Variants in CACNA1D observed in about 807,000 individuals in gnomAD.
CACNA1D encodes the protein calcium voltage-gated channel subunit alpha1 D, also known as voltage-dependent L-type calcium channel subunit alpha-1D.
A neutral mutation model predicts 257.1 loss-of-function variants in CACNA1D; 55 were observed. The ratio of observed to expected loss-of-function variants is 0.21; its 90% CI spans 0.17 to 0.27. The LOEUF (loss-of-function observed/expected upper bound fraction) is 0.27. CACNA1D is among the 10% of genes least tolerant of loss of function. The probability of loss-of-function intolerance (pLI) is 1.00; values close to 1 mark genes in which losing one functional copy is unlikely to be tolerated. For synonymous variants in CACNA1D, 980 were observed against 1,014.9 expected (o/e 0.97, Z 0.65); for missense variants, 1,876 against 2,784.0 (o/e 0.67, Z 7.34).
intron 3 of CACNA1D, among the ~76,000 whole-genome samples, chr3:53,647,588 T>A (rs1166947253): frequency 6.6e-6 from 1 of 152,248 alleles, no homozygotes; most frequent in East Asian, 1.9e-4. Context: ...CCTGACTTTC[T>A]TGTTGGCTTC....
chr3:53,640,799 A>T (rs762894673), intron 3 of CACNA1D, among the ~76,000 whole-genome samples: 10 of 152,220 alleles, frequency 6.6e-5, no homozygotes, highest in Non-Finnish European at 1.3e-4. Flanking sequence ...ATGGCAAAAC[A>T]TGTGACACTG....
intron 3 of CACNA1D, among the ~76,000 whole-genome samples, chr3:53,543,192 AAAAC>A (rs928836901): frequency 2.0e-5 from 3 of 152,142 alleles, no homozygotes; most frequent in African/African-American, 7.2e-5. Context: ...GACAAAAACC[AAAAC>A]AAACCCAAAG....
chr3:53,497,064 T>C lies in CACNA1D; in HGVS notation c.68-88T>C, dbSNP rs1440201506. On this transcript the variant is annotated intron_variant, in intron 1 of 47. Transcript: ENST00000350061. ...ATAGGAGTGAATGATTCCCCTGTTA[T>C]TGATGGGAGACAACCTTTGATTTTT... 3 of 975,698 alleles carry C rather than the reference T, an allele frequency of 3.1e-6. 1 individual carries two copies. The highest frequency in any genetic ancestry group is 3.3e-5 in the African/African-American group (2 of 61,274). The allele number at this position is 975,698 out of a possible 1,614,324, so 60.4% of individuals were successfully genotyped here. A position where few individuals can be genotyped will look rare whatever the true frequency, so the allele number is the denominator to read the frequency against.
At chr3:53,566,072 A>G (rs1401994366) in intron 3 of CACNA1D, among the ~76,000 whole-genome samples, 1 of 152,222 alleles carries the variant, frequency 6.6e-6, no homozygotes, top group African/African-American at 2.4e-5. Context: ...TGGGTGGCCA[A>G]AGTGAAGAAT....
intron 26 of CACNA1D, chr3:53,748,971 A>T (rs1252273994): frequency 2.0e-6 from 1 of 503,752 alleles, no homozygotes; most frequent in Non-Finnish European, 3.7e-6. Flanking sequence ...CTTACACGTG[A>T]TATTCTTCCT....
At chr3:53,617,807 T>A (rs1329887468) in intron 3 of CACNA1D, among the ~76,000 whole-genome samples, 1 of 152,148 alleles carries the variant, frequency 6.6e-6, no homozygotes, top group Admixed American at 6.5e-5. Flanking sequence ...GATATTTACA[T>A]GTGAGCCTCA....
intron 3 of CACNA1D, among the ~76,000 whole-genome samples, chr3:53,589,467 T>A (rs2093271040): frequency 6.6e-6 from 1 of 152,012 alleles, no homozygotes; most frequent in Non-Finnish European, 1.5e-5. Flanking sequence ...CAGGACTGAG[T>A]GTATGAATCA....
chr3:53,778,866 A>G (rs957791349), intron 37 of CACNA1D, among the ~76,000 whole-genome samples: 1 of 152,266 alleles, frequency 6.6e-6, no homozygotes, highest in African/African-American at 2.4e-5. Flanking sequence ...GATGTACATG[A>G]TGGTCTAACT....
intron 46 of CACNA1D, chr3:53,809,640 C>T (rs914678897): frequency 5.2e-6 from 2 of 381,882 alleles, no homozygotes; most frequent in South Asian, 5.2e-5. Context: ...GGTATTTAAA[C>T]CCAGCATGAA....
chr3:53,609,358 C>T (rs1443310301), intron 3 of CACNA1D, among the ~76,000 whole-genome samples: 4 of 144,050 alleles, frequency 2.8e-5, no homozygotes, highest in South Asian at 2.2e-4. Flanking sequence ...TGCAGTGAGC[C>T]GAGATTGCGC....
intron 1 of CACNA1D, 57 bp from the exon 2 acceptor site, chr3:53,497,095 C>T (rs1390376065): frequency 5.1e-6 from 7 of 1,370,232 alleles, no homozygotes; most frequent in Non-Finnish European, 7.2e-6. Context: ...TTTTTTTCTC[C>T]TACCCACTGG....
chr3:53,638,514 GC>G (rs1188633502), intron 3 of CACNA1D, among the ~76,000 whole-genome samples: 1 of 152,226 alleles, frequency 6.6e-6, no homozygotes, highest in African/African-American at 2.4e-5. Context: ...AGCAGTAATA[GC>G]CAATGTTCCA....
At chr3:53,759,829 C>T (rs1333842553) in intron 29 of CACNA1D, among the ~76,000 whole-genome samples, 3 of 152,226 alleles carry the variant, frequency 2.0e-5, no homozygotes, top group Non-Finnish European at 4.4e-5. Flanking sequence ...TCCCTTACAA[C>T]CTGAGGCTAG....
In CACNA1D at chr3:53,795,643, G is replaced by A. The variant is rs192454758; in HGVS notation, c.4924-4606G>A. On this transcript the variant is annotated intron_variant, in intron 40 of 47. Coordinates refer to ENST00000350061, the MANE Select transcript of CACNA1D (RefSeq NM_001128840.3). ...ATCAGAACAGAAGTTGTGTTTTACA[G>A]CTTCTGCTAAGCCTAAACTTTACAG... 6.6e-3 allele frequency among the ~76,000 whole-genome samples: 1,012 copies of A among 152,336 alleles called. 3 individuals are homozygous for A. The highest frequency in any genetic ancestry group is 0.011 in the Non-Finnish European group (737 of 68,036).
chr3:53,807,164 A>T (rs2095570712), intron 45 of CACNA1D, among the ~76,000 whole-genome samples: 1 of 151,830 alleles, frequency 6.6e-6, no homozygotes, highest in Admixed American at 6.5e-5. Flanking sequence ...GGATCCCTGG[A>T]GCATTTTAGA....
intron 3 of CACNA1D, among the ~76,000 whole-genome samples, chr3:53,569,087 TCA>T (rs2092899834): frequency 6.6e-6 from 1 of 152,200 alleles, no homozygotes; most frequent in South Asian, 2.1e-4. Context: ...TTGCTTCCTT[TCA>T]GTCTTCTTTC....
intron 16 of CACNA1D, 128 bp downstream of exon 16, chr3:53,730,684 T>C (rs554636372): frequency 1.7e-5 from 13 of 751,554 alleles, no homozygotes; most frequent in South Asian, 1.7e-4. Flanking sequence ...TTGTGGATCA[T>C]GGTTGACCAT....
rs1428862370 is a variant in CACNA1D, at chr3:53,803,494, A to C, written c.5507A>C (p.Asp1836Ala). The C allele has an allele frequency of 6.2e-7, 1 of 1,613,754 alleles. No homozygotes were observed. Among genetic ancestry groups the C allele is most frequent in the Admixed American group, 1.7e-5 (1 of 60,024 alleles). Residue 1836 changes from aspartate (D) to alanine (A), a missense_variant, in exon 44 of 48, where the codon GAC becomes GCC. Asp to Ala is a moderately radical substitution (Grantham distance 126). Transcript: ENST00000350061. ...CCAGAGATACATGGCTATTTCAGGG[A>C]CCCCCACTGCTTGGGGGAGCAGGAG... ...EDPEIHGYFR[D>A]PHCLGEQEYF...
chr3:53,563,920 G>T (rs993123231), intron 3 of CACNA1D, among the ~76,000 whole-genome samples: 4 of 152,026 alleles, frequency 2.6e-5, no homozygotes, highest in African/African-American at 9.7e-5. Flanking sequence ...TCCTATTGTG[G>T]GTACATCTTC....
Sources: allele counts gnomAD v4.1 joint callset (sites outside exome capture counted in the v4.1 genomes callset), GRCh38; gene constraint gnomAD v4.1.1; transcripts MANE v1.5; gene names NCBI Gene and HGNC (gene_info 2026-07-23, HGNC 2026-07-21).